The following CXCL14 variants were observed in gnomAD, a reference collection of about 807,000 sequenced individuals.
CXCL14 encodes the protein C-X-C motif chemokine ligand 14, also known as C-X-C motif chemokine 14.
A neutral mutation model predicts 16.1 loss-of-function variants in CXCL14; 9 were observed. That is an observed-to-expected ratio of 0.56 (90% confidence interval 0.34 to 0.97). CXCL14 has a LOEUF of 0.97. Ranked by LOEUF, CXCL14 falls within the 50% of genes least tolerant of loss-of-function variation. The probability of loss-of-function intolerance (pLI) is 0.02; values close to 1 mark genes in which losing one functional copy is unlikely to be tolerated. For missense variants in CXCL14, 111 were observed against 132.5 expected (o/e 0.84, Z 0.80); for synonymous variants, 55 against 52.8 (o/e 1.04, Z -0.18).
At position 135,578,101 on chromosome 5, in the gene CXCL14, T is replaced by C. The variant is rs368625850; in HGVS notation, c.170+333A>G. Among the ~76,000 whole-genome samples the C allele has an allele frequency of 1.6e-4, 25 of 152,230 alleles. No individual in the cohort carries two copies. The South Asian group carries it at 4.1e-3, about 25-fold the overall frequency. ...GTGTTTTAAGTGATTTCAGTCTAGG[T>C]TTTCTGAGTTGGCACAAGGGAACCC... On this transcript the variant is annotated intron_variant, in intron 2 of 3. Transcript: ENST00000512158.
Position 135,578,876 on chromosome 5 carries a change from T to G in CXCL14, c.-98A>C. The G allele has an allele frequency of 7.6e-7, 1 of 1,311,616 alleles. No individual in the cohort carries two copies. The highest frequency in any genetic ancestry group is 1.0e-6 in the Non-Finnish European group (1 of 1,001,332). 81.2% of individuals were successfully genotyped at this position (1,311,616 alleles called of 1,614,324 possible). On this transcript the variant is annotated 5_prime_UTR_variant, in exon 1 of 4. Coordinates refer to ENST00000512158, the MANE Select transcript of CXCL14 (RefSeq NM_004887.5). ...GACGCCACCCAGCTCTGCTCGGCTTTCTCTGCCCGGGGCGCGCCTTCCGGC... is the reference window on the plus strand; with the variant it reads ...GACGCCACCCAGCTCTGCTCGGCTTGCTCTGCCCGGGGCGCGCCTTCCGGC...
chr5:135,577,966 T>A (rs17168672), intron 2 of CXCL14, among the ~76,000 whole-genome samples: 7,056 of 152,280 alleles, frequency 0.046, 558 homozygotes, highest in African/African-American at 0.16. Context: ...GGTCCACTTG[T>A]CTCTGACTGG....
chr5:135,577,838 C>G (rs1188246610), intron 2 of CXCL14, among the ~76,000 whole-genome samples: 1 of 152,236 alleles, frequency 6.6e-6, no homozygotes, highest in Non-Finnish European at 1.5e-5. Flanking sequence ...GGCACATTAA[C>G]CCCAGCAGAG....
intron 3 of CXCL14, 120 bp downstream of exon 3, chr5:135,574,452 T>G: frequency 1.4e-6 from 1 of 710,698 alleles, no homozygotes; most frequent in Non-Finnish European, 2.5e-6. Flanking sequence ...TTGCTGTGGA[T>G]GTTGTGGTGG....
chr5:135,573,479 C>T (rs1751053631), intron 3 of CXCL14, among the ~76,000 whole-genome samples: 1 of 152,070 alleles, frequency 6.6e-6, no homozygotes, highest in Non-Finnish European at 1.5e-5. Flanking sequence ...GGTAGCATGG[C>T]TGGGCCAGGT....
At chr5:135,572,420 A>C (rs1412198185) in intron 3 of CXCL14, among the ~76,000 whole-genome samples, 1 of 152,238 alleles carries the variant, frequency 6.6e-6, no homozygotes, top group Non-Finnish European at 1.5e-5. Context: ...TCCTGGAGAC[A>C]GAAGAGGTGG....
chr5:135,571,742 C>CTTTTTT lies in CXCL14; in HGVS notation c.*105_*110dup, dbSNP rs566365690. ...GTCTTATGCCTGTGAGAAAGAAAGG[C>CTTTTTT]TTTTTTTTTTTTTTTTTTTTTTTTT... On this transcript the variant is annotated 3_prime_UTR_variant, in exon 4 of 4. Coordinates refer to ENST00000512158, the MANE Select transcript of CXCL14 (RefSeq NM_004887.5). 1.3e-4 allele frequency: 58 copies of CTTTTTT among 460,552 alleles called. 1 individual carries two copies. The highest frequency in any genetic ancestry group is 3.9e-4 in the Admixed American group (6 of 15,540). The allele number at this position is 460,552 out of a possible 1,614,324, so 28.5% of individuals were successfully genotyped here. A position where few individuals can be genotyped will look rare whatever the true frequency, so the allele number is the denominator to read the frequency against.
intron 2 of CXCL14, among the ~76,000 whole-genome samples, chr5:135,575,156 C>G (rs1251562385): frequency 6.6e-6 from 1 of 152,208 alleles, no homozygotes; most frequent in Non-Finnish European, 1.5e-5. Context: ...ACATGCCCCG[C>G]AGACACTCTG....
At chr5:135,573,786 C>T (rs1228745831) in intron 3 of CXCL14, among the ~76,000 whole-genome samples, 4 of 151,360 alleles carry the variant, frequency 2.6e-5, no homozygotes, top group South Asian at 2.1e-4. Flanking sequence ...ACAGACTCTG[C>T]GTATCTGAGG....
rs944914214 is a variant in CXCL14, at chr5:135,578,926, G to A, written c.-148C>T. ...CTCTGCTGGCTCCGGCTGCGCCGTC[G>A]GTGGATGCCCAGGGCTGTCTGTGGC... On this transcript the variant is annotated 5_prime_UTR_variant, in exon 1 of 4. Coordinates refer to ENST00000512158, the MANE Select transcript of CXCL14 (RefSeq NM_004887.5). The A allele has an allele frequency of 7.2e-6, 6 of 828,348 alleles. No individual in the cohort carries two copies. The highest frequency in any genetic ancestry group is 1.1e-5 in the Non-Finnish European group (6 of 568,252). 51.3% of individuals were successfully genotyped at this position (828,348 alleles called of 1,614,324 possible). A position where few individuals can be genotyped will look rare whatever the true frequency, so the allele number is the denominator to read the frequency against.
At chr5:135,573,978 C>T (rs1275217509) in intron 3 of CXCL14, among the ~76,000 whole-genome samples, 2 of 152,284 alleles carry the variant, frequency 1.3e-5, no homozygotes, top group Middle Eastern at 3.4e-3. Context: ...CACTGCTGCC[C>T]GCCTTGGTTA....
chr5:135,577,766 TCA>T (rs771595715), intron 2 of CXCL14, among the ~76,000 whole-genome samples: 2 of 152,202 alleles, frequency 1.3e-5, no homozygotes, highest in African/African-American at 4.8e-5. Context: ...AAGTGTTCTC[TCA>T]CTCTGCCCCA....
At chr5:135,574,274 TA>T (rs1271994468) in intron 3 of CXCL14, among the ~76,000 whole-genome samples, 5 of 152,152 alleles carry the variant, frequency 3.3e-5, no homozygotes, top group African/African-American at 1.2e-4. Flanking sequence ...GTAACTGAAA[TA>T]AAAAGAGGAA....
intron 2 of CXCL14, 105 bp from the exon 3 acceptor site, chr5:135,574,790 T>C (rs1002440538): frequency 6.8e-6 from 6 of 882,924 alleles, no homozygotes; most frequent in Non-Finnish European, 5.5e-6. Flanking sequence ...CCTGAGAGAC[T>C]GTGGCTTCCT....
rs1162341680 is a variant in CXCL14, at chr5:135,574,684, T to C, written c.172A>G (p.Ile58Val). The C allele has an allele frequency of 5.0e-6, 8 of 1,612,866 alleles. No homozygotes were observed. Among genetic ancestry groups the C allele is most frequent in the Admixed American group, 3.3e-5 (2 of 60,004 alleles). Reference sequence around the variant, plus strand: ...TACCTGGACACGCTCTTGGTGGTGATGCTGAAACGGAGCAGGATGAGGTGG... The same window carrying C: ...TACCTGGACACGCTCTTGGTGGTGACGCTGAAACGGAGCAGGATGAGGTGG... ...YPHCEEKMVI[I>V]TTKSVSRYRG... The change falls in exon 3 of 4, where the codon ATC (isoleucine) becomes GTC (valine). Residue 58 changes from isoleucine to valine, a missense_variant and splice_region_variant. By Grantham distance (29) the Ile-to-Val change is conservative (BLOSUM62 3). Coordinates refer to ENST00000512158, the MANE Select transcript of CXCL14 (RefSeq NM_004887.5).
Position 135,578,418 on chromosome 5 carries a change from A to T in CXCL14, c.170+16T>A. The T allele has an allele frequency of 6.2e-7, 1 of 1,606,132 alleles. No homozygotes were observed. Among genetic ancestry groups the T allele is most frequent in the East Asian group, 2.2e-5 (1 of 44,852 alleles). ...CAGCAGTGCGCACCCCCTCAAGGTG[A>T]GGAGCGAGAACTCACATAACCATCT... On this transcript the variant is annotated intron_variant, in intron 2 of 3. Transcript: ENST00000512158.
intron 2 of CXCL14, among the ~76,000 whole-genome samples, chr5:135,576,941 G>T (rs1561741565): frequency 6.6e-6 from 1 of 152,162 alleles, no homozygotes; most frequent in Admixed American, 6.5e-5. Flanking sequence ...GAGGCCCTAG[G>T]GGGTGGGTTA....
intron 2 of CXCL14, among the ~76,000 whole-genome samples, chr5:135,574,909 G>A (rs1751076810): frequency 6.6e-6 from 1 of 152,152 alleles, no homozygotes; most frequent in Non-Finnish European, 1.5e-5. Context: ...AACCCTGTAT[G>A]TAGTGAGCAG....
At chr5:135,577,838 C>T (rs1188246610) in intron 2 of CXCL14, among the ~76,000 whole-genome samples, 1 of 152,236 alleles carries the variant, frequency 6.6e-6, no homozygotes, top group African/African-American at 2.4e-5. Context: ...GGCACATTAA[C>T]CCCAGCAGAG....
Sources: allele counts gnomAD v4.1 joint callset (sites outside exome capture counted in the v4.1 genomes callset), GRCh38; gene constraint gnomAD v4.1.1; transcripts MANE v1.5; gene names NCBI Gene and HGNC (gene_info 2026-07-23, HGNC 2026-07-21).